The following KSR2 variants were observed in gnomAD, a reference collection of about 807,000 sequenced individuals.
KSR2 encodes kinase suppressor of ras 2.
In KSR2, 25 loss-of-function variants were observed where a neutral mutation model predicts 107.8. The observed-to-expected ratio is 0.23, with a 90% confidence interval of 0.17 to 0.32. The LOEUF is 0.32. Ranked by LOEUF, KSR2 falls within the 10% of genes least tolerant of loss-of-function variation. KSR2 has a pLI of 1.00. For missense variants in KSR2, 887 were observed against 1,268.9 expected, an observed-to-expected ratio of 0.70 and a Z score of 4.57; for synonymous variants, 480 against 507.0, an observed-to-expected ratio of 0.95 and a Z score of 0.71.
In KSR2 at chr12:117,674,196, G is replaced by A. The variant is rs530935738; in HGVS notation, c.987-6538C>T. Reference sequence around the variant, plus strand: ...ACAGTATCAAAACTAAAAGGATCCCGAGAAATCTTACATTGTCTTTGAATG... The same window carrying A: ...ACAGTATCAAAACTAAAAGGATCCCAAGAAATCTTACATTGTCTTTGAATG... On this transcript the variant is annotated intron_variant, in intron 4 of 19. Transcript: ENST00000339824. The A allele has an allele frequency of 8.1e-5, 36 of 443,038 alleles. No individual in the cohort carries two copies. In the East Asian group the frequency reaches 9.0e-4, roughly 11 times the overall value. The allele number at this position is 443,038 out of a possible 1,614,324, so 27.4% of individuals were successfully genotyped here.
intron 3 of KSR2, among the ~76,000 whole-genome samples, chr12:117,850,099 T>C (rs1892862751): frequency 6.6e-6 from 1 of 152,220 alleles, no homozygotes; most frequent in Non-Finnish European, 1.5e-5. Flanking sequence ...CCAATTATTA[T>C]TTTTGAGGGA....
chr12:117,682,673 C>A (rs923679602), intron 4 of KSR2, among the ~76,000 whole-genome samples: 4 of 152,166 alleles, frequency 2.6e-5, no homozygotes, highest in African/African-American at 9.7e-5. Flanking sequence ...CTGCCTCAGC[C>A]TCCCAAAGTG....
At chr12:117,540,698 G>A (rs1431646709) in intron 9 of KSR2, among the ~76,000 whole-genome samples, 1 of 152,172 alleles carries the variant, frequency 6.6e-6, no homozygotes, top group Non-Finnish European at 1.5e-5. Flanking sequence ...AAGATGGAGG[G>A]AGAGATTGGA....
rs1206978638 is a variant in KSR2 at position 117,667,416 on chromosome 12, T to G, written c.1171+58A>C. The G allele has an allele frequency of 2.7e-6, 4 of 1,504,508 alleles. No individual in the cohort carries two copies. In the East Asian group the frequency reaches 9.4e-5, roughly 36 times the overall value. The allele number at this position is 1,504,508 out of a possible 1,614,324, so 93.2% of individuals were successfully genotyped here. A position where few individuals can be genotyped will look rare whatever the true frequency, so the allele number is the denominator to read the frequency against. On this transcript the variant is annotated intron_variant, in intron 5 of 19. Transcript: ENST00000339824. Reference sequence around the variant, plus strand: ...ACCTGGCACAGAGGACAGCAGGTGCTGGGGAGAAGGAGGTGGCATGGCAAG... The same window carrying G: ...ACCTGGCACAGAGGACAGCAGGTGCGGGGGAGAAGGAGGTGGCATGGCAAG...
intron 1 of KSR2, among the ~76,000 whole-genome samples, chr12:117,890,168 G>A (rs575429648): frequency 7.9e-5 from 12 of 152,286 alleles, no homozygotes; most frequent in African/African-American, 1.2e-4. Flanking sequence ...GATCATCCTC[G>A]AAAAGGTCTT....
intron 3 of KSR2, among the ~76,000 whole-genome samples, chr12:117,837,812 A>T (rs187205541): frequency 3.9e-5 from 6 of 152,328 alleles, no homozygotes; most frequent in East Asian, 3.9e-4. Context: ...GTTCCCAAGG[A>T]CAGGGCTGAT....
intron 3 of KSR2, among the ~76,000 whole-genome samples, chr12:117,844,641 T>C (rs972539000): frequency 2.0e-5 from 3 of 152,184 alleles, no homozygotes; most frequent in Non-Finnish European, 2.9e-5. Flanking sequence ...AATTTGCATA[T>C]GCAACCTATG....
At chr12:117,559,324 C>A (rs887347689) in intron 7 of KSR2, among the ~76,000 whole-genome samples, 1 of 152,188 alleles carries the variant, frequency 6.6e-6, no homozygotes, top group Admixed American at 6.5e-5. Context: ...ACACGGACTT[C>A]ACGTTTTAAA....
chr12:117,778,619 T>C (rs1889775901), intron 3 of KSR2, among the ~76,000 whole-genome samples: 1 of 152,224 alleles, frequency 6.6e-6, no homozygotes, highest in South Asian at 2.1e-4. Flanking sequence ...CTTCTGGCTC[T>C]GCATCCTCTG....
At chr12:117,490,924 G>A (rs1315302516) in intron 14 of KSR2, among the ~76,000 whole-genome samples, 1 of 152,084 alleles carries the variant, frequency 6.6e-6, no homozygotes, top group Non-Finnish European at 1.5e-5. Context: ...TTTTTTGTGT[G>A]CGGTGAGAAC....
At chr12:117,906,669 T>C (rs767542795) in intron 1 of KSR2, among the ~76,000 whole-genome samples, 1 of 152,100 alleles carries the variant, frequency 6.6e-6, no homozygotes, top group Non-Finnish European at 1.5e-5. Context: ...TCTTTTGATG[T>C]GCTCATGATT....
chr12:117,898,511 G>T (rs1330933598), intron 1 of KSR2, among the ~76,000 whole-genome samples: 1 of 151,820 alleles, frequency 6.6e-6, no homozygotes, highest in African/African-American at 2.4e-5. Flanking sequence ...GTAGAGATGG[G>T]GTTTCACCAT....
intron 3 of KSR2, among the ~76,000 whole-genome samples, chr12:117,781,801 G>C (rs1404730175): frequency 6.6e-6 from 1 of 152,200 alleles, no homozygotes; most frequent in East Asian, 1.9e-4. Flanking sequence ...TGCCTCTGGA[G>C]CCCAAACGTC....
At chr12:117,944,489 C>T (rs1896112966) in intron 1 of KSR2, among the ~76,000 whole-genome samples, 1 of 152,166 alleles carries the variant, frequency 6.6e-6, no homozygotes, top group East Asian at 1.9e-4. Context: ...TCCAGAAAAT[C>T]ATTCGATTGT....
At chr12:117,510,282 G>A (rs946477682) in intron 14 of KSR2, among the ~76,000 whole-genome samples, 3 of 152,272 alleles carry the variant, frequency 2.0e-5, no homozygotes, top group East Asian at 1.9e-4. Flanking sequence ...TTATTACTAC[G>A]TGATTTAAAA....
rs117062573 is a variant in KSR2, at chr12:117,736,044, G to T, written c.986+24967C>A. On this transcript the variant is annotated intron_variant, in intron 4 of 19. Coordinates refer to ENST00000339824, the MANE Select transcript of KSR2 (RefSeq NM_173598.6). ...CTGCCTCCAGAAACGGTAGGGAAAT[G>T]GTCAGCCTTACACACACCAGATATG... is the stretch of plus-strand genomic sequence containing the variant. Among the ~76,000 whole-genome samples the T allele has an allele frequency of 6.4e-3, 982 of 152,266 alleles. 2 individuals are homozygous for T. The highest frequency in any genetic ancestry group is 0.021 in the South Asian group (103 of 4,826).
At chr12:117,729,728 C>T (rs747684825) in intron 4 of KSR2, among the ~76,000 whole-genome samples, 2 of 150,962 alleles carry the variant, frequency 1.3e-5, no homozygotes, top group Non-Finnish European at 3.0e-5. Context: ...ATTTGACAAA[C>T]ATTCATTGAG....
intron 5 of KSR2, among the ~76,000 whole-genome samples, chr12:117,590,000 G>A (rs1880227190): frequency 1.3e-5 from 2 of 152,226 alleles, no homozygotes; most frequent in Admixed American, 1.3e-4. Context: ...CATCGGGGAA[G>A]AAATAAGGCA....
rs779257683 is a variant in KSR2, at chr12:117,968,957, G to A, written c.-702C>T. ...GGTGACGGTTGCTGCAATCGCTCCT[G>A]CCTCGCTCCACACCGACATCTTGCC... On this transcript the variant is annotated 5_prime_UTR_variant, in exon 1 of 20. Coordinates refer to ENST00000339824, the MANE Select transcript of KSR2 (RefSeq NM_173598.6). The A allele has an allele frequency of 1.6e-5, 3 of 192,100 alleles. No homozygotes were observed. Among genetic ancestry groups the A allele is most frequent in the Non-Finnish European group, 3.3e-5 (3 of 91,930 alleles). The allele number at this position is 192,100 out of a possible 1,614,324, so 11.9% of individuals were successfully genotyped here. A position where few individuals can be genotyped will look rare whatever the true frequency, so the allele number is the denominator to read the frequency against.
Sources: allele counts gnomAD v4.1 joint callset (sites outside exome capture counted in the v4.1 genomes callset), GRCh38; gene constraint gnomAD v4.1.1; transcripts MANE v1.5; gene names NCBI Gene and HGNC (gene_info 2026-07-23, HGNC 2026-07-21).